The following CMSS1 variants were observed in gnomAD, a reference collection of about 807,000 sequenced individuals.
CMSS1 encodes cms1 ribosomal small subunit homolog, also known as protein CMSS1.
CMSS1 carries 33 observed loss-of-function variants against 43.5 expected under a neutral mutation model. The ratio of observed to expected loss-of-function variants is 0.76; its 90% CI spans 0.57 to 1.01. The LOEUF (loss-of-function observed/expected upper bound fraction) is 1.01. Ranked by LOEUF, CMSS1 falls within the 50% of genes least tolerant of loss-of-function variation. CMSS1 has a pLI of 0.00. For synonymous variants in CMSS1, 115 were observed against 117.2 expected (o/e 0.98, Z 0.12); for missense variants, 313 against 326.4 (o/e 0.96, Z 0.32).
intron 1 of CMSS1, among the ~76,000 whole-genome samples, chr3:100,065,906 C>T (rs1404746620): frequency 3.3e-5 from 5 of 152,236 alleles, no homozygotes; most frequent in African/African-American, 9.6e-5. Flanking sequence ...CCTGGATCAA[C>T]AGCATCACCT....
chr3:100,041,846 A>G (rs1048862002), intron 1 of CMSS1, among the ~76,000 whole-genome samples: 13 of 152,200 alleles, frequency 8.5e-5, no homozygotes, highest in Non-Finnish European at 1.9e-4. Flanking sequence ...TCTTCTTTCA[A>G]CATGAAAGTA....
intron 1 of CMSS1, among the ~76,000 whole-genome samples, chr3:99,994,795 A>G (rs1340771715): frequency 6.6e-6 from 1 of 152,178 alleles, no homozygotes; most frequent in African/African-American, 2.4e-5. Flanking sequence ...GGAAGATGCA[A>G]AAGCAGAAAC....
intron 1 of CMSS1, among the ~76,000 whole-genome samples, chr3:99,887,973 G>A (rs1705963612): frequency 6.6e-6 from 1 of 152,002 alleles, no homozygotes; most frequent in African/African-American, 2.4e-5. Context: ...CTCCTGGGAA[G>A]GTTCAAGCAA....
At chr3:99,949,059 C>T (rs1387108742) in intron 1 of CMSS1, among the ~76,000 whole-genome samples, 2 of 152,176 alleles carry the variant, frequency 1.3e-5, no homozygotes, top group South Asian at 4.2e-4. Context: ...TTGAATGCCA[C>T]CTGACATAAA....
chr3:99,988,428 C>T (rs559605857), intron 1 of CMSS1, among the ~76,000 whole-genome samples: 81 of 141,364 alleles, frequency 5.7e-4, no homozygotes, highest in African/African-American at 2.1e-3. Flanking sequence ...AGGAGAATCG[C>T]TTGAATGTGG....
chr3:99,847,856 A>G (rs1943438462), intron 1 of CMSS1: 1 of 797,548 alleles, frequency 1.3e-6, no homozygotes, highest in Non-Finnish European at 1.5e-6. Flanking sequence ...GACTATAAGC[A>G]AAAGACAAAA....
intron 1 of CMSS1, among the ~76,000 whole-genome samples, chr3:99,978,328 A>T (rs538362501): frequency 4.6e-5 from 7 of 152,348 alleles, no homozygotes; most frequent in African/African-American, 1.7e-4. Context: ...AGAGACATCT[A>T]CACTGCCAGG....
chr3:99,825,775 C>CTTTTTTTTTTTTT (rs897686337), intron 1 of CMSS1, among the ~76,000 whole-genome samples: 16 of 121,606 alleles, frequency 1.3e-4, no homozygotes, highest in East Asian at 2.2e-4. Context: ...TTTTCTTTTT[C>CTTTTTTTTTTTTT]TTTTTTTTTT....
chr3:99,919,172 T>C (rs1345565607), intron 1 of CMSS1, among the ~76,000 whole-genome samples: 1 of 152,168 alleles, frequency 6.6e-6, no homozygotes, highest in Non-Finnish European at 1.5e-5. Context: ...TATTGAATTC[T>C]CTAGTAAAAT....
intron 1 of CMSS1, among the ~76,000 whole-genome samples, chr3:100,033,147 T>C (rs912821857): frequency 2.0e-5 from 3 of 152,208 alleles, no homozygotes; most frequent in Admixed American, 6.5e-5. Context: ...TACTCTGTGG[T>C]TACTGTATGG....
chr3:99,962,516 TC>T (rs1708523582), intron 1 of CMSS1, among the ~76,000 whole-genome samples: 1 of 152,220 alleles, frequency 6.6e-6, no homozygotes, highest in Non-Finnish European at 1.5e-5. Context: ...TGACCATTTC[TC>T]CAGCAACAAT....
At chr3:100,055,444 C>G (rs1393663765) in intron 1 of CMSS1, among the ~76,000 whole-genome samples, 3 of 152,194 alleles carry the variant, frequency 2.0e-5, no homozygotes. Context: ...GTGACAATCA[C>G]TGTCTAATGC....
chr3:100,139,712 G>A lies in CMSS1; in HGVS notation c.65-7261G>A, dbSNP rs535345735. ...CCCAGGAGGCTGAGGCAGGAGAATC[G>A]CTTGAACCCAGGAGGCGGAGGTTGC... On this transcript the variant is annotated intron_variant, in intron 1 of 9. Transcript: ENST00000421999. Among the ~76,000 whole-genome samples, 268 of 149,602 alleles carry A rather than the reference G, an allele frequency of 1.8e-3. 2 individuals are homozygous for A. The highest frequency in any genetic ancestry group is 6.3e-3 in the African/African-American group (255 of 40,558).
intron 1 of CMSS1, among the ~76,000 whole-genome samples, chr3:99,956,480 G>A (rs1708322517): frequency 6.6e-6 from 1 of 152,180 alleles, no homozygotes; most frequent in Non-Finnish European, 1.5e-5. Context: ...AGCCTCCCTA[G>A]TAGCTGGGAT....
chr3:100,128,607 C>T (rs190586462), intron 1 of CMSS1, among the ~76,000 whole-genome samples: 44 of 152,276 alleles, frequency 2.9e-4, no homozygotes, highest in Admixed American at 7.2e-4. Flanking sequence ...AGAACATTTT[C>T]ATCACACCTA....
chr3:99,850,800 C>T (rs1435529141), intron 1 of CMSS1: 9 of 1,614,070 alleles, frequency 5.6e-6, no homozygotes, highest in African/African-American at 1.3e-5. Context: ...GCAGTTCCTT[C>T]TCTAGTCTGG....
intron 1 of CMSS1, among the ~76,000 whole-genome samples, chr3:100,038,430 AT>A (rs199608949): frequency 6.6e-6 from 1 of 152,032 alleles, no homozygotes; most frequent in African/African-American, 2.4e-5. Flanking sequence ...TTTTTTCACC[AT>A]TTTTTTGCTT....
chr3:99,851,585 T>C (rs2107530241), intron 1 of CMSS1, among the ~76,000 whole-genome samples: 1 of 152,352 alleles, frequency 6.6e-6, no homozygotes, highest in South Asian at 2.1e-4. Context: ...AGATTCTCAT[T>C]GTCCTGGCAC....
In CMSS1 at chr3:99,864,403, T is replaced by G. The variant is rs116086630; in HGVS notation, c.64+46360T>G. On this transcript the variant is annotated intron_variant, in intron 1 of 9. Transcript: ENST00000421999. ...TTATAGCAACTGTATGAGCTAAGTA[T>G]TATTATTCTCATTTTGCAGATGGAG... Among the ~76,000 whole-genome samples, 575 of 152,276 alleles carry G rather than the reference T, an allele frequency of 3.8e-3. 3 individuals are homozygous for G. Among genetic ancestry groups the G allele is most frequent in the African/African-American group, 0.013 (547 of 41,556 alleles).
Sources: gnomAD v4.1 joint callset for allele counts (sites outside exome capture counted in the v4.1 genomes callset) on GRCh38, gnomAD v4.1.1 for gene constraint, MANE v1.5 for transcripts, NCBI Gene and HGNC (gene_info 2026-07-23, HGNC 2026-07-21) for gene names.